Variants in SAMTOR observed in about 807,000 individuals in gnomAD.
SAMTOR encodes the protein UPF0532 protein C7orf60.
chr7:112,881,460 C>T, the SAMTOR span, among the ~76,000 whole-genome samples: 1 of 152,164 alleles, frequency 6.6e-6, no homozygotes, highest in Non-Finnish European at 1.5e-5. Context: ...CCAGTCAGCA[C>T]ACACTTCCTC....
the SAMTOR span, among the ~76,000 whole-genome samples, chr7:112,852,457 T>A: frequency 2.0e-5 from 3 of 151,898 alleles, no homozygotes; most frequent in African/African-American, 4.8e-5. Flanking sequence ...ATAATAGACA[T>A]TGGAGAATCC....
the SAMTOR span, among the ~76,000 whole-genome samples, chr7:112,887,625 G>A: frequency 2.0e-5 from 3 of 152,168 alleles, no homozygotes; most frequent in African/African-American, 7.2e-5. Flanking sequence ...TTCTGTAATA[G>A]ATATAGGCTT....
chr7:112,893,762 C>T, the SAMTOR span, among the ~76,000 whole-genome samples: 1 of 152,178 alleles, frequency 6.6e-6, no homozygotes, highest in Non-Finnish European at 1.5e-5. Flanking sequence ...ATTGGCTTGG[C>T]ACAGTGGCAC....
the SAMTOR span, among the ~76,000 whole-genome samples, chr7:112,846,077 G>C: frequency 6.8e-6 from 1 of 147,436 alleles, no homozygotes; most frequent in African/African-American, 2.5e-5. Flanking sequence ...CAGGAGGAGG[G>C]AGAAGGTCAG....
chr7:112,913,972 G>A, the SAMTOR span, among the ~76,000 whole-genome samples: 14 of 152,162 alleles, frequency 9.2e-5, no homozygotes, highest in African/African-American at 3.4e-4. Flanking sequence ...TAGCACGTAA[G>A]CTCTATGAGA....
At chr7:112,917,614 C>G in the SAMTOR span, among the ~76,000 whole-genome samples, 1 of 152,184 alleles carries the variant, frequency 6.6e-6, no homozygotes, top group African/African-American at 2.4e-5. Flanking sequence ...CTTTGACAAG[C>G]TGAGAGAAGA....
At chr7:112,838,446 CAT>C in the SAMTOR span, among the ~76,000 whole-genome samples, 3 of 151,888 alleles carry the variant, frequency 2.0e-5, no homozygotes, top group African/African-American at 7.2e-5. Flanking sequence ...TTGTTATTTT[CAT>C]ATATGTTTAT....
chr7:112,832,745 C>CT, the SAMTOR span: 2 of 1,058,992 alleles, frequency 1.9e-6, no homozygotes, highest in Non-Finnish European at 2.9e-6. Flanking sequence ...ATTATCAGTT[C>CT]TTTAACTTTT....
the SAMTOR span, among the ~76,000 whole-genome samples, chr7:112,862,334 C>T: frequency 0.011 from 1,623 of 152,236 alleles, 30 homozygotes; most frequent in African/African-American, 0.037. Context: ...TATTAATTTT[C>T]CCTGTTTCAA....
the SAMTOR span, among the ~76,000 whole-genome samples, chr7:112,831,493 C>T: frequency 6.6e-6 from 1 of 152,190 alleles, no homozygotes; most frequent in Admixed American, 6.5e-5. Context: ...CCTGTCTCTA[C>T]CAAAAATACA....
At chr7:112,899,005 A>G in the SAMTOR span, among the ~76,000 whole-genome samples, 5 of 152,218 alleles carry the variant, frequency 3.3e-5, no homozygotes, top group Admixed American at 2.0e-4. Context: ...AGACTGGAAT[A>G]AATATCTAAC....
the SAMTOR span, among the ~76,000 whole-genome samples, chr7:112,927,568 A>G: frequency 6.6e-6 from 1 of 152,062 alleles, no homozygotes; most frequent in Admixed American, 6.6e-5. Flanking sequence ...GAAAAAATAC[A>G]TGTGTCTTAA....
the SAMTOR span, among the ~76,000 whole-genome samples, chr7:112,873,329 C>T: frequency 6.6e-6 from 1 of 152,116 alleles, no homozygotes; most frequent in Non-Finnish European, 1.5e-5. Context: ...CAATACAAGG[C>T]TACAGTATGC....
At chr7:112,885,660 A>T in the SAMTOR span, among the ~76,000 whole-genome samples, 1 of 152,166 alleles carries the variant, frequency 6.6e-6, no homozygotes, top group African/African-American at 2.4e-5. Flanking sequence ...AAACCATTTG[A>T]CAAGTCTTTA....
At chr7:112,824,814 C>T in the SAMTOR span, among the ~76,000 whole-genome samples, 4 of 152,172 alleles carry the variant, frequency 2.6e-5, no homozygotes, top group African/African-American at 9.7e-5. Context: ...TGTGAACCAT[C>T]TATTATATTT....
the SAMTOR span, chr7:112,820,331 G>A: frequency 6.6e-6 from 1 of 152,432 alleles, no homozygotes; most frequent in Non-Finnish European, 1.5e-5. Context: ...TGCAGTTTAT[G>A]AAATTTAGGA....
chr7:112,908,883 G>A, the SAMTOR span, among the ~76,000 whole-genome samples: 1 of 152,084 alleles, frequency 6.6e-6, no homozygotes, highest in East Asian at 1.9e-4. Flanking sequence ...TTGAAATAAC[G>A]AGACCGGGTG....
the SAMTOR span, among the ~76,000 whole-genome samples, chr7:112,917,544 T>C: frequency 6.6e-6 from 1 of 152,064 alleles, no homozygotes; most frequent in Non-Finnish European, 1.5e-5. Context: ...AGAGCGCCTC[T>C]CCTCCTCCAA....
chr7:112,915,319 C>G, the SAMTOR span: 11 of 1,611,940 alleles, frequency 6.8e-6, no homozygotes, highest in Non-Finnish European at 8.5e-6. Flanking sequence ...CAACACCATT[C>G]AATACGACCT....
Sources: gnomAD v4.1 joint callset for allele counts (sites outside exome capture counted in the v4.1 genomes callset) on GRCh38, gnomAD v4.1.1 for gene constraint, MANE v1.5 for transcripts, NCBI Gene and HGNC (gene_info 2026-07-23, HGNC 2026-07-21) for gene names.